MYO16: variants seen among roughly 807,000 people sequenced by gnomAD.
The protein encoded by MYO16 is myosin XVI, also known as unconventional myosin-XVI.
A neutral mutation model predicts 205.3 loss-of-function variants in MYO16; 94 were observed. That is an observed-to-expected ratio of 0.46 (90% CI 0.39 to 0.54). MYO16 has a LOEUF of 0.54. Ranked by LOEUF, MYO16 falls within the 20% of genes least tolerant of loss-of-function variation. The pLI, the probability that MYO16 is intolerant of heterozygous loss-of-function variation, is 0.00. For missense variants in MYO16, 2,315 were observed against 2,387.5 expected (o/e 0.97, Z 0.63); for synonymous variants, 988 against 954.0 (o/e 1.04, Z -0.66).
At chr13:109,077,852 A>T (rs1258728626) in intron 27 of MYO16, among the ~76,000 whole-genome samples, 1 of 152,112 alleles carries the variant, frequency 6.6e-6, no homozygotes, top group South Asian at 2.1e-4. Flanking sequence ...AAAATTTTTC[A>T]AATATTTTTT....
intron 16 of MYO16, among the ~76,000 whole-genome samples, chr13:108,931,059 G>A (rs1051968887): frequency 1.3e-5 from 2 of 152,266 alleles, no homozygotes; most frequent in South Asian, 2.1e-4. Context: ...CTGAATCGCT[G>A]GGCTCCCCTG....
At chr13:108,560,425 A>C in the MYO16 span, among the ~76,000 whole-genome samples, 1 of 152,236 alleles carries the variant, frequency 6.6e-6, no homozygotes, top group Non-Finnish European at 1.5e-5. Flanking sequence ...TTCTGGTAGG[A>C]AACTGCATTT....
intron 22 of MYO16, among the ~76,000 whole-genome samples, chr13:109,015,654 A>G (rs575421780): frequency 6.6e-6 from 1 of 152,284 alleles, no homozygotes; most frequent in East Asian, 1.9e-4. Flanking sequence ...CTATTGGTCT[A>G]TTCAGTGATT....
At chr13:108,760,078 C>A (rs1885555562) in intron 4 of MYO16, among the ~76,000 whole-genome samples, 1 of 152,170 alleles carries the variant, frequency 6.6e-6, no homozygotes, top group Admixed American at 6.5e-5. Context: ...TGAAATTCTT[C>A]TTTTCTAGCT....
At position 109,112,875 on chromosome 13, in the gene MYO16, T is replaced by C. The variant is rs543414288; in HGVS notation, c.3439-7495T>C. Among the ~76,000 whole-genome samples, 28 of 152,384 alleles carry C rather than the reference T, an allele frequency of 1.8e-4. No individual in the cohort carries two copies. In the South Asian group the frequency reaches 5.6e-3, roughly 30 times the overall value. ...TACACATCCATTTACTTTCATTTCC[T>C]TCACCTTAATACATGTGAATTATGA... On this transcript the variant is annotated intron_variant, in intron 28 of 34. Coordinates refer to ENST00000457511, the MANE Select transcript of MYO16 (RefSeq NM_001198950.3).
chr13:109,072,382 G>A (rs1887950612), intron 27 of MYO16, among the ~76,000 whole-genome samples: 1 of 152,100 alleles, frequency 6.6e-6, no homozygotes, highest in Non-Finnish European at 1.5e-5. Context: ...CAAGCTGAGT[G>A]ATATTTACAA....
At chr13:108,702,593 T>A (rs1020762688) in intron 2 of MYO16, among the ~76,000 whole-genome samples, 15 of 152,264 alleles carry the variant, frequency 9.9e-5, no homozygotes, top group East Asian at 9.6e-4. Flanking sequence ...TGAATTTGCA[T>A]AAAAGATAAA....
At chr13:108,820,149 G>A (rs1449166827) in intron 7 of MYO16, among the ~76,000 whole-genome samples, 188 bp from the exon 8 acceptor site, 3 of 152,128 alleles carry the variant, frequency 2.0e-5, no homozygotes, top group Admixed American at 2.0e-4. Flanking sequence ...TCCAGAAAGG[G>A]CTGAAATAAT....
chr13:108,791,561 T>G (rs929270786), intron 5 of MYO16, among the ~76,000 whole-genome samples: 3 of 152,300 alleles, frequency 2.0e-5, no homozygotes, highest in South Asian at 2.1e-4. Context: ...ATAAGTTACT[T>G]GCCCACATTG....
At chr13:108,857,694 A>C (rs1594348686) in intron 11 of MYO16, among the ~76,000 whole-genome samples, 1 of 152,354 alleles carries the variant, frequency 6.6e-6, no homozygotes, top group East Asian at 1.9e-4. Flanking sequence ...ATGTGCAAGA[A>C]TAGGTAAAGC....
chr13:108,884,277 G>C (rs1191411871), intron 13 of MYO16, among the ~76,000 whole-genome samples: 1 of 152,228 alleles, frequency 6.6e-6, no homozygotes, highest in Non-Finnish European at 1.5e-5. Context: ...TATGGAGGGT[G>C]GAGGGACAGA....
intron 16 of MYO16, among the ~76,000 whole-genome samples, chr13:108,948,512 G>A (rs1386798045): frequency 1.3e-5 from 2 of 152,262 alleles, no homozygotes; most frequent in East Asian, 3.8e-4. Flanking sequence ...CTCTGCGCCT[G>A]CTGAGTGGGG....
At chr13:108,754,180 C>T (rs1885344538) in intron 4 of MYO16, among the ~76,000 whole-genome samples, 2 of 151,264 alleles carry the variant, frequency 1.3e-5, no homozygotes, top group South Asian at 2.1e-4. Flanking sequence ...GCAGAACAAA[C>T]TGTAGCATGC....
intron 27 of MYO16, among the ~76,000 whole-genome samples, chr13:109,083,974 A>G (rs950784197): frequency 6.6e-6 from 1 of 152,222 alleles, no homozygotes; most frequent in African/African-American, 2.4e-5. Context: ...ATAATGCATT[A>G]TGTATAAAGA....
At chr13:108,552,254 C>T in the MYO16 span, among the ~76,000 whole-genome samples, 1 of 152,070 alleles carries the variant, frequency 6.6e-6, no homozygotes, top group African/African-American at 2.4e-5. Context: ...ATATGTGGGA[C>T]CAAAATGGAG....
At chr13:108,733,499 C>T (rs1406334306) in intron 4 of MYO16, among the ~76,000 whole-genome samples, 2 of 152,134 alleles carry the variant, frequency 1.3e-5, no homozygotes, top group African/African-American at 4.8e-5. Flanking sequence ...AACTTGGACC[C>T]CTGACCACTC....
intron 34 of MYO16, among the ~76,000 whole-genome samples, chr13:109,203,454 C>T (rs1469243889): frequency 6.6e-6 from 1 of 151,470 alleles, no homozygotes; most frequent in African/African-American, 2.4e-5. Context: ...GTAATTTAAC[C>T]AGGAACATGT....
intron 27 of MYO16, among the ~76,000 whole-genome samples, chr13:109,068,415 G>A (rs955869182): frequency 2.0e-5 from 3 of 152,090 alleles, no homozygotes; most frequent in African/African-American, 7.2e-5. Context: ...TCTGTGTAGC[G>A]TTCTGCCATG....
At chr13:108,543,313 A>G in the MYO16 span, among the ~76,000 whole-genome samples, 405 of 152,318 alleles carry the variant, frequency 2.7e-3, 3 homozygotes, top group African/African-American at 9.0e-3. Context: ...TATTTTAAGG[A>G]TAATATACCT....
Sources: gnomAD v4.1 joint callset for allele counts (sites outside exome capture counted in the v4.1 genomes callset) on GRCh38, gnomAD v4.1.1 for gene constraint, MANE v1.5 for transcripts, NCBI Gene and HGNC (gene_info 2026-07-23, HGNC 2026-07-21) for gene names.